The following PCDHA6 variants were observed in gnomAD, a reference collection of about 807,000 sequenced individuals.
The protein encoded by PCDHA6 is protocadherin alpha-6.
In PCDHA6, 55 loss-of-function variants were observed where a neutral mutation model predicts 60.3. The observed-to-expected ratio is 0.91, with a 90% confidence interval of 0.73 to 1.14. The LOEUF is 1.14. PCDHA6 is among the 50% of genes most tolerant of loss of function. The pLI, the probability that PCDHA6 is intolerant of heterozygous loss-of-function variation, is 0.00. For missense variants in PCDHA6, 1,327 were observed against 1,256.5 expected (o/e 1.06, Z -0.85); for synonymous variants, 652 against 557.9 (o/e 1.17, Z -2.38).
At chr5:140,941,023 T>C (rs2153648150) in intron 1 of PCDHA6, among the ~76,000 whole-genome samples, 1 of 152,338 alleles carries the variant, frequency 6.6e-6, no homozygotes, top group African/African-American at 2.4e-5. Flanking sequence ...ATTTTCCTTC[T>C]GGCCTTTTTG....
intron 3 of PCDHA6, among the ~76,000 whole-genome samples, chr5:140,996,644 A>G (rs2097736322): frequency 6.6e-6 from 1 of 152,144 alleles, no homozygotes; most frequent in Non-Finnish European, 1.5e-5. Flanking sequence ...TATGTAGTTA[A>G]TCCTGGGTGC....
intron 1 of PCDHA6, among the ~76,000 whole-genome samples, chr5:140,924,152 C>A (rs1163487854): frequency 6.6e-6 from 1 of 152,176 alleles, no homozygotes. Flanking sequence ...TGAAGAAATG[C>A]ACATCCTAAT....
At chr5:140,984,905 C>G (rs1214020745) in intron 3 of PCDHA6, among the ~76,000 whole-genome samples, 1 of 152,004 alleles carries the variant, frequency 6.6e-6, no homozygotes, top group African/African-American at 2.4e-5. Context: ...AAAAAAAGAA[C>G]TGAGCATAGT....
intron 1 of PCDHA6, among the ~76,000 whole-genome samples, chr5:140,913,435 C>T (rs2153526525): frequency 6.6e-6 from 1 of 152,202 alleles, no homozygotes; most frequent in South Asian, 2.1e-4. Context: ...GTAATGCCTC[C>T]TTTTTCAGCT....
intron 1 of PCDHA6, chr5:140,883,195 T>G (rs781816525): frequency 6.2e-7 from 1 of 1,613,904 alleles, no homozygotes; most frequent in Non-Finnish European, 8.5e-7. Flanking sequence ...GCAAACTAGA[T>G]TTCGAAGAAA....
chr5:140,957,100 T>C (rs2095333217), intron 1 of PCDHA6, among the ~76,000 whole-genome samples: 1 of 152,328 alleles, frequency 6.6e-6, no homozygotes, highest in Non-Finnish European at 1.5e-5. Flanking sequence ...AATATTGCTA[T>C]GGACATGATT....
At chr5:140,886,827 GAAAA>G (rs782016620) in intron 1 of PCDHA6, among the ~76,000 whole-genome samples, 16 of 60,888 alleles carry the variant, frequency 2.6e-4, no homozygotes, top group Non-Finnish European at 3.3e-4. Flanking sequence ...ACTTCGTCTT[GAAAA>G]AAAAAAAAAA....
intron 1 of PCDHA6, among the ~76,000 whole-genome samples, chr5:140,839,001 C>A (rs1775989279): frequency 6.6e-6 from 1 of 151,970 alleles, no homozygotes; most frequent in Non-Finnish European, 1.5e-5. Flanking sequence ...TTCTAATATA[C>A]TTTAGTAAAT....
intron 1 of PCDHA6, among the ~76,000 whole-genome samples, chr5:140,895,055 A>G (rs1313066261): frequency 6.6e-6 from 1 of 152,118 alleles, no homozygotes; most frequent in East Asian, 1.9e-4. Context: ...ATTCTGCTTC[A>G]TATGGACTCA....
At chr5:140,835,902 T>A (rs1774035162) in intron 1 of PCDHA6, 3 of 1,612,038 alleles carry the variant, frequency 1.9e-6, no homozygotes, top group Non-Finnish European at 2.5e-6. Flanking sequence ...GCTGTCGAGC[T>A]ACGTGTCAGT....
intron 1 of PCDHA6, among the ~76,000 whole-genome samples, chr5:140,961,220 G>T (rs2095597952): frequency 6.6e-6 from 1 of 152,032 alleles, no homozygotes; most frequent in Non-Finnish European, 1.5e-5. Flanking sequence ...GAAGAAACTG[G>T]GTCCCAAAAA....
At chr5:140,992,925 C>G (rs548869982) in intron 3 of PCDHA6, among the ~76,000 whole-genome samples, 1 of 152,312 alleles carries the variant, frequency 6.6e-6, no homozygotes, top group South Asian at 2.1e-4. Flanking sequence ...TCCATACTTA[C>G]AGCAGCTCTG....
intron 1 of PCDHA6, among the ~76,000 whole-genome samples, chr5:140,933,721 C>G (rs957167505): frequency 6.6e-6 from 1 of 151,982 alleles, no homozygotes; most frequent in Non-Finnish European, 1.5e-5. Flanking sequence ...ATTGGTGATA[C>G]AGCTTTCTTA....
chr5:140,989,893 A>T (rs1436233809), intron 3 of PCDHA6, among the ~76,000 whole-genome samples: 1 of 151,928 alleles, frequency 6.6e-6, no homozygotes, highest in Non-Finnish European at 1.5e-5. Context: ...AGTCTCCGTT[A>T]TTCACAATCA....
chr5:140,869,817 T>G, intron 1 of PCDHA6: 1 of 1,612,264 alleles, frequency 6.2e-7, no homozygotes, highest in Non-Finnish European at 8.5e-7. Flanking sequence ...TCAACGACAA[T>G]GATCCAGAGT....
intron 3 of PCDHA6, among the ~76,000 whole-genome samples, chr5:141,005,783 C>T (rs79683532): frequency 0.097 from 14,322 of 148,270 alleles, 898 homozygotes; most frequent in African/African-American, 0.18. Context: ...TGTAAAGATC[C>T]TGAGGCAAAA....
At chr5:140,949,783 G>A (rs1181020228) in intron 1 of PCDHA6, among the ~76,000 whole-genome samples, 1 of 151,784 alleles carries the variant, frequency 6.6e-6, no homozygotes, top group Non-Finnish European at 1.5e-5. Context: ...GATATGTTTA[G>A]ATTTGTGTCC....
At chr5:140,836,230 C>G (rs1774305055) in intron 1 of PCDHA6, 1 of 1,613,786 alleles carries the variant, frequency 6.2e-7, no homozygotes, top group Admixed American at 1.7e-5. Context: ...CCGGTGGCGG[C>G]CGGTGCGAGC....
intron 1 of PCDHA6, chr5:140,869,872 A>G: frequency 6.2e-7 from 1 of 1,610,558 alleles, no homozygotes; most frequent in Admixed American, 1.7e-5. Context: ...AAATGCTGCT[A>G]AAGAAACTCT....
Sources: gnomAD v4.1 joint callset for allele counts (sites outside exome capture counted in the v4.1 genomes callset) on GRCh38, gnomAD v4.1.1 for gene constraint, MANE v1.5 for transcripts, NCBI Gene and HGNC (gene_info 2026-07-23, HGNC 2026-07-21) for gene names.